Variants in GAD2 observed in about 807,000 individuals in gnomAD.
GAD2 encodes the protein 65 kDa glutamic acid decarboxylase.
Under a neutral mutation model 80.1 loss-of-function variants are expected in GAD2, and 22 were observed. The observed-to-expected ratio is 0.27, with a 90% CI of 0.20 to 0.39. The LOEUF is 0.39. GAD2 is among the 10% of genes least tolerant of loss of function. GAD2 has a pLI of 1.00. For synonymous variants in GAD2, 274 were observed against 256.9 expected, an observed-to-expected ratio of 1.07 and a Z score of -0.64; for missense variants, 624 against 738.4, an observed-to-expected ratio of 0.85 and a Z score of 1.80.
At chr10:26,280,971 G>T in intron 11 of GAD2, 38 bp from the exon 12 acceptor site, 1 of 1,501,960 alleles carries the variant, frequency 6.7e-7, no homozygotes, top group Non-Finnish European at 9.3e-7. Flanking sequence ...GCCTGTCAGG[G>T]TGGAGTGCCA....
chr10:26,219,835 C>T (rs954852723), intron 4 of GAD2, among the ~76,000 whole-genome samples: 1 of 152,054 alleles, frequency 6.6e-6, no homozygotes, highest in African/African-American at 2.4e-5. Flanking sequence ...GCACAACACA[C>T]AAGCAGGCAT....
At position 26,292,556 on chromosome 10, in the gene GAD2, T is replaced by C. The variant is rs1564673128; in HGVS notation, c.1478T>C (p.Met493Thr). 1.2e-6 allele frequency: 2 copies of C among 1,611,008 alleles called. No individual in the cohort carries two copies. The highest frequency in any genetic ancestry group is 2.2e-5 in the South Asian group (2 of 90,966). Reference protein sequence around the residue: ...NIIKNREGYEMVFDGKPQHTN... With the variant: ...NIIKNREGYETVFDGKPQHTN... Reference sequence around the variant, plus strand: ...ATAAAAAACCGAGAAGGATATGAGATGGTGTTTGATGGGAAGGTATGTATT... The same window carrying C: ...ATAAAAAACCGAGAAGGATATGAGACGGTGTTTGATGGGAAGGTATGTATT... Residue 493 changes from methionine to threonine, a missense_variant, in exon 14 of 16, where the codon ATG becomes ACG. Physicochemically the swap from Met to Thr is moderately conservative, Grantham distance 81. Transcript: ENST00000376261.
At chr10:26,236,855 C>A (rs565354214) in intron 7 of GAD2, among the ~76,000 whole-genome samples, 2 of 152,288 alleles carry the variant, frequency 1.3e-5, no homozygotes, top group South Asian at 4.1e-4. Flanking sequence ...CACCTCAGGG[C>A]CCTCATCGCT....
intron 13 of GAD2, among the ~76,000 whole-genome samples, chr10:26,291,418 G>A (rs1361305844): frequency 6.9e-6 from 1 of 144,960 alleles, no homozygotes; most frequent in African/African-American, 2.9e-5. Context: ...TTACCTGGGG[G>A]AGCAGTCTCC....
chr10:26,225,368 G>A (rs1035171754), intron 6 of GAD2, among the ~76,000 whole-genome samples: 5 of 152,180 alleles, frequency 3.3e-5, no homozygotes, highest in African/African-American at 1.2e-4. Flanking sequence ...ACAGTTCTGT[G>A]TGTGACCTTG....
intron 5 of GAD2, 90 bp downstream of exon 5, chr10:26,224,067 A>G: frequency 1.1e-6 from 1 of 902,710 alleles, no homozygotes; most frequent in Non-Finnish European, 1.7e-6. Flanking sequence ...TCTGTTTTTT[A>G]TTAAGTAGCC....
chr10:26,218,152 C>A, intron 3 of GAD2, 161 bp downstream of exon 3: 1 of 755,716 alleles, frequency 1.3e-6, no homozygotes, highest in Non-Finnish European at 2.0e-6. Flanking sequence ...AAATGCGGGA[C>A]CTGCCCGCTG....
chr10:26,284,651 A>C (rs1845310081), intron 12 of GAD2, among the ~76,000 whole-genome samples: 1 of 142,906 alleles, frequency 7.0e-6, no homozygotes, highest in Admixed American at 7.6e-5. Flanking sequence ...GGCTCACTGC[A>C]ACCTCCACCT....
intron 8 of GAD2, among the ~76,000 whole-genome samples, chr10:26,253,527 A>G (rs538478124): frequency 5.9e-5 from 9 of 152,382 alleles, no homozygotes; most frequent in African/African-American, 2.2e-4. Context: ...GAGCAAAAAG[A>G]TGTTTCCCAA....
At chr10:26,227,876 C>T (rs1844549880) in intron 6 of GAD2, among the ~76,000 whole-genome samples, 1 of 152,218 alleles carries the variant, frequency 6.6e-6, no homozygotes, top group African/African-American at 2.4e-5. Context: ...TTCTACCTGT[C>T]CTGTATCTCT....
At chr10:26,264,756 C>T (rs1006260992) in intron 8 of GAD2, among the ~76,000 whole-genome samples, 5 of 152,172 alleles carry the variant, frequency 3.3e-5, no homozygotes, top group Middle Eastern at 3.2e-3. Context: ...GGTCATTTAT[C>T]GTTGCTGCTG....
intron 8 of GAD2, 52 bp downstream of exon 8, chr10:26,246,052 A>G: frequency 6.8e-7 from 1 of 1,472,084 alleles, no homozygotes; most frequent in Non-Finnish European, 9.5e-7. Context: ...AATTCCACAC[A>G]AGTAGTGCCT....
chr10:26,252,379 G>C, intron 8 of GAD2, among the ~76,000 whole-genome samples: 1 of 150,928 alleles, frequency 6.6e-6, no homozygotes, highest in Admixed American at 6.6e-5. Flanking sequence ...GTCTCACTCT[G>C]TCACCCAGGC....
At chr10:26,226,737 G>C (rs61839365) in intron 6 of GAD2, among the ~76,000 whole-genome samples, 2 of 152,086 alleles carry the variant, frequency 1.3e-5, no homozygotes, top group Admixed American at 1.3e-4. Flanking sequence ...AAAACATACT[G>C]TGTCATAGCT....
chr10:26,296,717 A>G (rs939633364), intron 15 of GAD2, among the ~76,000 whole-genome samples: 9 of 151,856 alleles, frequency 5.9e-5, no homozygotes, highest in African/African-American at 2.2e-4. Context: ...TCTTATTTTA[A>G]TTTTTTTTAT....
At chr10:26,221,560 G>A (rs897052569) in intron 4 of GAD2, among the ~76,000 whole-genome samples, 11 of 152,314 alleles carry the variant, frequency 7.2e-5, no homozygotes, top group East Asian at 1.9e-4. Flanking sequence ...GGAATTAAGC[G>A]TCAGTAGATG....
At chr10:26,221,667 C>T (rs1437482440) in intron 4 of GAD2, among the ~76,000 whole-genome samples, 2 of 152,196 alleles carry the variant, frequency 1.3e-5, no homozygotes, top group East Asian at 1.9e-4. Flanking sequence ...GTCAGAGTTG[C>T]CTGAGGCTGG....
At chr10:26,294,193 TCCAGTCA>T (rs1324451677) in intron 15 of GAD2, among the ~76,000 whole-genome samples, 1 of 152,220 alleles carries the variant, frequency 6.6e-6, no homozygotes, top group Non-Finnish European at 1.5e-5. Flanking sequence ...GGGAACCTCC[TCCAGTCA>T]CTGCCAAGAG....
At chr10:26,242,391 T>A (rs956882114) in intron 7 of GAD2, among the ~76,000 whole-genome samples, 2 of 152,140 alleles carry the variant, frequency 1.3e-5, no homozygotes, top group Admixed American at 6.5e-5. Context: ...CAGACACTCT[T>A]TTCCTCTGGT....
Sources: allele counts gnomAD v4.1 joint callset (sites outside exome capture counted in the v4.1 genomes callset), GRCh38; gene constraint gnomAD v4.1.1; transcripts MANE v1.5; gene names NCBI Gene and HGNC (gene_info 2026-07-23, HGNC 2026-07-21).